The following LDLRAD4 variants were observed in gnomAD, a reference collection of about 807,000 sequenced individuals.
The protein encoded by LDLRAD4 is low-density lipoprotein receptor class A domain-containing protein 4.
In LDLRAD4, 5 loss-of-function variants were observed where a neutral mutation model predicts 17.0. The observed-to-expected ratio is 0.29, with a 90% CI of 0.15 to 0.62. LDLRAD4 has a LOEUF of 0.62. Among genes scored for constraint, LDLRAD4 ranks in the 20% least tolerant of loss-of-function variants. The pLI, the probability that LDLRAD4 is intolerant of heterozygous loss-of-function variation, is 0.84. For missense variants in LDLRAD4, 340 were observed against 424.7 expected (o/e 0.80, Z 1.75); for synonymous variants, 168 against 171.8 (o/e 0.98, Z 0.17).
chr18:13,641,028 G>A (rs2042503853), intron 4 of LDLRAD4, among the ~76,000 whole-genome samples: 1 of 152,192 alleles, frequency 6.6e-6, no homozygotes, highest in South Asian at 2.1e-4. Flanking sequence ...TGGTACAAGG[G>A]AGAATGTATA....
chr18:13,634,216 C>A (rs151235439), intron 4 of LDLRAD4, among the ~76,000 whole-genome samples: 49 of 152,058 alleles, frequency 3.2e-4, no homozygotes, highest in African/African-American at 1.0e-3. Flanking sequence ...CTAGCCAGAG[C>A]AATTAGGCAA....
At chr18:13,257,714 G>A (rs901686588) in intron 1 of LDLRAD4, among the ~76,000 whole-genome samples, 1 of 152,216 alleles carries the variant, frequency 6.6e-6, no homozygotes, top group African/African-American at 2.4e-5. Context: ...ATTTTTGGTT[G>A]TCACAAGTGG....
chr18:13,396,689 C>T (rs2086723730), intron 2 of LDLRAD4, among the ~76,000 whole-genome samples: 1 of 152,042 alleles, frequency 6.6e-6, no homozygotes, highest in African/African-American at 2.4e-5. Context: ...TGCCATGTTG[C>T]CTAGGTTGGT....
At chr18:13,231,497 C>T (rs1157233691) in intron 1 of LDLRAD4, among the ~76,000 whole-genome samples, 2 of 152,134 alleles carry the variant, frequency 1.3e-5, no homozygotes, top group Non-Finnish European at 2.9e-5. Flanking sequence ...ATCAACCAGC[C>T]ACGAATGGTA....
intron 3 of LDLRAD4, among the ~76,000 whole-genome samples, chr18:13,445,192 G>A (rs1033742916): frequency 6.6e-6 from 1 of 152,222 alleles, no homozygotes; most frequent in Non-Finnish European, 1.5e-5. Flanking sequence ...CAGAGGAAAT[G>A]TGGAGTGCTT....
intron 1 of LDLRAD4, among the ~76,000 whole-genome samples, chr18:13,222,485 A>G (rs2041512574): frequency 6.6e-6 from 1 of 152,194 alleles, no homozygotes; most frequent in African/African-American, 2.4e-5. Context: ...CAAGCTCCAG[A>G]CAGATTGTTA....
chr18:13,614,449 C>G (rs1370078450), intron 3 of LDLRAD4: 1 of 152,164 alleles, frequency 6.6e-6, no homozygotes, highest in African/African-American at 2.4e-5. Context: ...CCCTTTCGTT[C>G]TACTTGTTGT....
chr18:13,531,985 A>AC (rs1298111326), intron 3 of LDLRAD4, among the ~76,000 whole-genome samples: 1 of 151,874 alleles, frequency 6.6e-6, no homozygotes, highest in Admixed American at 6.6e-5. Flanking sequence ...TTTCACACTG[A>AC]CCCCCCACCA....
chr18:13,266,023 T>C (rs1053758580), intron 1 of LDLRAD4, among the ~76,000 whole-genome samples: 2 of 152,172 alleles, frequency 1.3e-5, no homozygotes, highest in African/African-American at 4.8e-5. Flanking sequence ...TCTGGGGAGC[T>C]TGTTAAAAAT....
chr18:13,510,691 A>G (rs1333250560), intron 3 of LDLRAD4, among the ~76,000 whole-genome samples: 1 of 152,236 alleles, frequency 6.6e-6, no homozygotes, highest in Non-Finnish European at 1.5e-5. Flanking sequence ...ATCTTTAAAA[A>G]TATGAGGAAA....
At chr18:13,605,208 GTC>G (rs1445830730) in intron 3 of LDLRAD4, among the ~76,000 whole-genome samples, 1 of 152,202 alleles carries the variant, frequency 6.6e-6, no homozygotes, top group African/African-American at 2.4e-5. Context: ...TAGAAATAGT[GTC>G]TCAACACTAG....
At chr18:13,552,624 C>T (rs77801957) in intron 3 of LDLRAD4, among the ~76,000 whole-genome samples, 284 of 152,270 alleles carry the variant, frequency 1.9e-3, no homozygotes, top group Middle Eastern at 6.8e-3. Context: ...TTCCTAACGA[C>T]GGGGAGAGGC....
chr18:13,418,712 CTGCT>C (rs2089167913), intron 2 of LDLRAD4, among the ~76,000 whole-genome samples: 1 of 152,222 alleles, frequency 6.6e-6, no homozygotes, highest in Non-Finnish European at 1.5e-5. Context: ...TTTGCTGGCA[CTGCT>C]TGCAAGTTTG....
intron 1 of LDLRAD4, among the ~76,000 whole-genome samples, chr18:13,318,556 A>T (rs7230643): frequency 0.36 from 55,420 of 152,084 alleles, 10,834 homozygotes; most frequent in African/African-American, 0.5. Flanking sequence ...CTTAAGTGTG[A>T]CCTCATAAAA....
chr18:13,470,556 G>A (rs569761038), intron 3 of LDLRAD4, among the ~76,000 whole-genome samples: 1 of 146,424 alleles, frequency 6.8e-6, no homozygotes, highest in South Asian at 2.3e-4. Flanking sequence ...CCCTGCCCCT[G>A]TCTGGCATCT....
intron 3 of LDLRAD4, among the ~76,000 whole-genome samples, chr18:13,560,522 C>G (rs1028824301): frequency 6.6e-6 from 1 of 152,252 alleles, no homozygotes; most frequent in African/African-American, 2.4e-5. Flanking sequence ...TGGATTTGCC[C>G]TTCAGATGAC....
intron 1 of LDLRAD4, among the ~76,000 whole-genome samples, chr18:13,285,784 A>G (rs1444463647): frequency 6.6e-6 from 1 of 152,090 alleles, no homozygotes; most frequent in Non-Finnish European, 1.5e-5. Flanking sequence ...TGGTGGGGGA[A>G]ACTCAAGCCA....
intron 3 of LDLRAD4, among the ~76,000 whole-genome samples, chr18:13,536,109 A>T (rs1456168915): frequency 6.6e-6 from 1 of 152,144 alleles, no homozygotes; most frequent in Non-Finnish European, 1.5e-5. Context: ...CCTTTTCAAG[A>T]CTATTTTGGC....
At chr18:13,331,624 C>G (rs1241172819) in intron 1 of LDLRAD4, among the ~76,000 whole-genome samples, 1 of 152,134 alleles carries the variant, frequency 6.6e-6, no homozygotes, top group Non-Finnish European at 1.5e-5. Context: ...TAATAAATTT[C>G]TAATGTTGAA....
Sources: allele counts gnomAD v4.1 joint callset (sites outside exome capture counted in the v4.1 genomes callset), GRCh38; gene constraint gnomAD v4.1.1; transcripts MANE v1.5; gene names NCBI Gene and HGNC (gene_info 2026-07-23, HGNC 2026-07-21).